DGKG: variants seen among roughly 807,000 people sequenced by gnomAD.
The protein encoded by DGKG is diacylglycerol kinase gamma.
DGKG carries 78 observed loss-of-function variants against 105.3 expected under a neutral mutation model. That is an observed-to-expected ratio of 0.74 (90% CI 0.62 to 0.89). DGKG has a LOEUF of 0.89. Among genes scored for constraint, DGKG ranks in the 40% least tolerant of loss-of-function variants. The pLI is 0.00. For missense variants in DGKG, 958 were observed against 1,020.1 expected (o/e 0.94, Z 0.83); for synonymous variants, 346 against 367.1 (o/e 0.94, Z 0.66).
chr3:186,260,809 C>T (rs1470742134), intron 15 of DGKG, among the ~76,000 whole-genome samples: 2 of 152,234 alleles, frequency 1.3e-5, no homozygotes, highest in Non-Finnish European at 2.9e-5. Flanking sequence ...GAGAACAGAA[C>T]TTTCATTCTA....
At chr3:186,192,100 C>T (rs568149106) in intron 21 of DGKG, among the ~76,000 whole-genome samples, 5 of 152,184 alleles carry the variant, frequency 3.3e-5, no homozygotes, top group Middle Eastern at 3.2e-3. Context: ...CTCTGCCTCC[C>T]GGGTTCAAGT....
chr3:186,272,976 G>T (rs142573594), intron 10 of DGKG, among the ~76,000 whole-genome samples: 1 of 152,112 alleles, frequency 6.6e-6, no homozygotes, highest in Non-Finnish European at 1.5e-5. Flanking sequence ...TGACCCACCC[G>T]CCTCAGCCTC....
intron 1 of DGKG, among the ~76,000 whole-genome samples, chr3:186,332,814 T>G (rs1725662130): frequency 6.6e-6 from 1 of 152,138 alleles, no homozygotes; most frequent in Non-Finnish European, 1.5e-5. Flanking sequence ...AAGAGGTAAT[T>G]GGGTCCTGAG....
intron 15 of DGKG, 25 bp from the exon 16 acceptor site, chr3:186,260,538 G>GGA (rs753836088): frequency 1.3e-5 from 20 of 1,544,342 alleles, no homozygotes; most frequent in Admixed American, 8.5e-5. Flanking sequence ...AGAAAAGGAG[G>GGA]GAGAGAGAGA....
intron 2 of DGKG, among the ~76,000 whole-genome samples, chr3:186,316,628 T>A (rs1544704): frequency 0.58 from 88,020 of 152,024 alleles, 26,133 homozygotes; most frequent in Middle Eastern, 0.67. Context: ...GTATGTACGT[T>A]TACATACAAA....
At chr3:186,320,245 C>A in intron 2 of DGKG, 148 bp downstream of exon 2, 1 of 919,256 alleles carries the variant, frequency 1.1e-6, no homozygotes, top group Non-Finnish European at 1.6e-6. Flanking sequence ...GTTAAATACA[C>A]TAATTCTGTG....
intron 22 of DGKG, among the ~76,000 whole-genome samples, chr3:186,165,851 T>C (rs750473157): frequency 8.5e-5 from 13 of 152,274 alleles, no homozygotes; most frequent in Non-Finnish European, 1.8e-4. Context: ...AGCACAACTT[T>C]CATTTATTTA....
At chr3:186,161,566 G>T in intron 24 of DGKG, 37 bp downstream of exon 24, 1 of 1,613,840 alleles carries the variant, frequency 6.2e-7, no homozygotes, top group Non-Finnish European at 8.5e-7. Context: ...CAAAAATAAG[G>T]CTTCTCATCC....
At chr3:186,166,538 C>T (rs1487914051) in intron 22 of DGKG, among the ~76,000 whole-genome samples, 2 of 152,196 alleles carry the variant, frequency 1.3e-5, no homozygotes, top group African/African-American at 4.8e-5. Context: ...TAATTAGCCT[C>T]CTTCTTACCA....
chr3:186,217,551 A>T (rs773429854), intron 20 of DGKG, among the ~76,000 whole-genome samples: 16 of 152,256 alleles, frequency 1.1e-4, no homozygotes, highest in Non-Finnish European at 1.3e-4. Flanking sequence ...CATCAATTGC[A>T]CACTAGCTAG....
intron 22 of DGKG, among the ~76,000 whole-genome samples, chr3:186,180,959 T>C (rs1717330927): frequency 6.6e-6 from 1 of 152,162 alleles, no homozygotes; most frequent in Non-Finnish European, 1.5e-5. Context: ...AGTGTTCACA[T>C]CTAGGAGGGC....
rs530086045 is a variant in DGKG at position 186,218,440 on chromosome 3, G to T, written c.1827-6555C>A. On this transcript the variant is annotated intron_variant, in intron 20 of 24. Transcript: ENST00000265022. ...AATCTCTTGAACCAGGGAGTTGGAG[G>T]TTGCAATGAGCCGAGATCGCGCCAC... Among the ~76,000 whole-genome samples, 242 of 137,134 alleles carry T rather than the reference G, an allele frequency of 1.8e-3. 1 individual carries two copies. Among genetic ancestry groups the T allele is most frequent in the Non-Finnish European group, 2.7e-3 (176 of 65,084 alleles). The allele number at this position is 137,134 out of a possible 152,430, so 90.0% of individuals were successfully genotyped here.
chr3:186,188,296 G>T lies in DGKG; in HGVS notation c.2001C>A (p.Thr667=). The T allele has an allele frequency of 1.9e-6, 3 of 1,614,156 alleles. No homozygotes were observed. Among genetic ancestry groups the T allele is most frequent in the Non-Finnish European group, 2.5e-6 (3 of 1,180,034 alleles). Residue 667 remains threonine (T), a synonymous_variant, in exon 22 of 25, where the codon ACC becomes ACA. Transcript: ENST00000265022. The part of the protein sequence containing the change: ...ILNIPSMYGG[T]NLWGENKKNR... The stretch of plus-strand genomic sequence containing the variant: ...TCTTCTTGTTTTCTCCCCAGAGATT[G>T]GTGCCTCCGTACATGCTGGGAATGT...
At chr3:186,232,796 C>T (rs909577107) in intron 20 of DGKG, among the ~76,000 whole-genome samples, 1 of 152,150 alleles carries the variant, frequency 6.6e-6, no homozygotes, top group Non-Finnish European at 1.5e-5. Flanking sequence ...TGATGACTTA[C>T]ACCCTATTTA....
chr3:186,158,271 T>C, intron 24 of DGKG: 1 of 787,408 alleles, frequency 1.3e-6, no homozygotes, highest in Non-Finnish European at 1.5e-6. Context: ...ATTTTACTTC[T>C]TTTTTATATG....
intron 9 of DGKG, among the ~76,000 whole-genome samples, chr3:186,276,315 A>C (rs1722587347): frequency 6.6e-6 from 1 of 152,202 alleles, no homozygotes; most frequent in Non-Finnish European, 1.5e-5. Context: ...ACAGAATGCC[A>C]TTTCGATGAT....
chr3:186,307,090 A>G, intron 2 of DGKG, 113 bp from the exon 3 acceptor site: 1 of 724,018 alleles, frequency 1.4e-6, no homozygotes, highest in East Asian at 2.5e-5. Context: ...TCAGTCCCAG[A>G]AAATCTGGAG....
intron 19 of DGKG, among the ~76,000 whole-genome samples, chr3:186,248,031 T>TC (rs1015888002): frequency 6.6e-6 from 1 of 152,220 alleles, no homozygotes; most frequent in African/African-American, 2.4e-5. Flanking sequence ...CTTCCTTTTT[T>TC]CCTACTTTTT....
chr3:186,170,428 C>G (rs146627304), intron 22 of DGKG, among the ~76,000 whole-genome samples: 1 of 152,154 alleles, frequency 6.6e-6, no homozygotes, highest in African/African-American at 2.4e-5. Flanking sequence ...ATCAGACAGT[C>G]TGGAGTTTGG....
Sources: allele counts gnomAD v4.1 joint callset (sites outside exome capture counted in the v4.1 genomes callset), GRCh38; gene constraint gnomAD v4.1.1; transcripts MANE v1.5; gene names NCBI Gene and HGNC (gene_info 2026-07-23, HGNC 2026-07-21).